CACNA1E: variants seen among roughly 807,000 people sequenced by gnomAD.
CACNA1E encodes the protein voltage-dependent R-type calcium channel subunit alpha-1E.
A neutral mutation model predicts 259.2 loss-of-function variants in CACNA1E; 40 were observed. The observed-to-expected ratio is 0.15, with a 90% CI of 0.12 to 0.20. CACNA1E has a LOEUF of 0.20. CACNA1E is among the 10% of genes least tolerant of loss of function. The pLI is 1.00. For synonymous variants in CACNA1E, 1,104 were observed against 1,138.5 expected (o/e 0.97, Z 0.61); for missense variants, 1,874 against 3,040.1 (o/e 0.62, Z 9.02).
chr1:181,542,845 C>T (rs1476266850), intron 3 of CACNA1E, among the ~76,000 whole-genome samples: 3 of 149,952 alleles, frequency 2.0e-5, no homozygotes, highest in Admixed American at 1.3e-4. Context: ...TTTTGTGGAA[C>T]AGTAGTCCTG....
intron 2 of CACNA1E, among the ~76,000 whole-genome samples, chr1:181,430,592 C>A (rs552731304): frequency 9.2e-5 from 14 of 152,300 alleles, no homozygotes; most frequent in African/African-American, 3.4e-4. Context: ...TGGGAGCCCA[C>A]TGATTACACC....
At chr1:181,335,868 T>C (rs1651669749) in intron 1 of CACNA1E, among the ~76,000 whole-genome samples, 1 of 152,230 alleles carries the variant, frequency 6.6e-6, no homozygotes, top group African/African-American at 2.4e-5. Context: ...AAGTTGCTCA[T>C]AGTCCAGTCC....
At chr1:181,454,849 A>T (rs1370860155) in intron 2 of CACNA1E, among the ~76,000 whole-genome samples, 1 of 151,164 alleles carries the variant, frequency 6.6e-6, no homozygotes, top group East Asian at 1.9e-4. Flanking sequence ...TAGCCAAGAC[A>T]TGCAAAGTTG....
At chr1:181,701,190 A>G (rs1373136017) in intron 7 of CACNA1E, among the ~76,000 whole-genome samples, 4 of 152,222 alleles carry the variant, frequency 2.6e-5, no homozygotes, top group Non-Finnish European at 5.9e-5. Flanking sequence ...CAAAGCTTCA[A>G]CCTGGTAATA....
intron 1 of CACNA1E, among the ~76,000 whole-genome samples, chr1:181,387,677 C>T (rs1444403254): frequency 2.0e-5 from 3 of 152,194 alleles, no homozygotes; most frequent in East Asian, 3.9e-4. Flanking sequence ...AGACTGGAGA[C>T]GTGGTAATTT....
intron 2 of CACNA1E, among the ~76,000 whole-genome samples, chr1:181,432,828 G>C (rs1659810798): frequency 6.6e-6 from 1 of 152,054 alleles, no homozygotes; most frequent in Non-Finnish European, 1.5e-5. Flanking sequence ...AATAATATTT[G>C]AGCCACCTGT....
At position 181,427,265 on chromosome 1, in the gene CACNA1E, C is replaced by A. The variant is rs557838184; in HGVS notation, c.434+13685C>A. 2.0e-5 allele frequency among the ~76,000 whole-genome samples: 3 copies of A among 151,016 alleles called. No homozygotes were observed. In the South Asian group the frequency reaches 6.3e-4, roughly 32 times the overall value. ...CCATCTCAACCCTCACCCATCTCAA[C>A]CTCTGCCCCATCTCAACCTCACTCA... On this transcript the variant is annotated intron_variant, in intron 2 of 11. Transcript: ENST00000524607.
At chr1:181,391,103 C>T (rs556860670) in intron 1 of CACNA1E, among the ~76,000 whole-genome samples, 5 of 152,306 alleles carry the variant, frequency 3.3e-5, no homozygotes, top group South Asian at 4.1e-4. Flanking sequence ...GAGAGCTCAA[C>T]GCTCTCAATT....
chr1:181,795,243 C>A (rs1237421816), intron 46 of CACNA1E, among the ~76,000 whole-genome samples, 199 bp downstream of exon 46: 1 of 152,192 alleles, frequency 6.6e-6, no homozygotes, highest in Non-Finnish European at 1.5e-5. Context: ...TCTGTGTTCA[C>A]CGGAAAAGCT....
At chr1:181,338,463 G>A (rs1165728230) in intron 1 of CACNA1E, among the ~76,000 whole-genome samples, 2 of 146,988 alleles carry the variant, frequency 1.4e-5, no homozygotes, top group Admixed American at 1.3e-4. Context: ...GGCCATCTAT[G>A]TGTCTTCTTT....
rs1662450442 is a variant in CACNA1E, at chr1:181,803,882, G to C, written c.*5048G>C. Reference sequence around the variant, plus strand: ...CAAGATAGCTGAGAAGTATGAATGGGGTTCACAGCAAAGTCCAATTGATGG... The same window carrying C: ...CAAGATAGCTGAGAAGTATGAATGGCGTTCACAGCAAAGTCCAATTGATGG... On this transcript the variant is annotated 3_prime_UTR_variant, in exon 48 of 48. Coordinates refer to ENST00000367573, the MANE Select transcript of CACNA1E (RefSeq NM_001205293.3). 6.6e-6 allele frequency: 1 copy of C among 152,106 alleles called. No homozygotes were observed. The highest frequency in any genetic ancestry group is 1.5e-5 in the Non-Finnish European group (1 of 68,020). The allele number at this position is 152,106 out of a possible 1,614,324, so 9.4% of individuals were successfully genotyped here.
chr1:181,671,050 T>C (rs1648743571), intron 7 of CACNA1E, among the ~76,000 whole-genome samples: 1 of 152,236 alleles, frequency 6.6e-6, no homozygotes, highest in African/African-American at 2.4e-5. Context: ...ATTGTTATTA[T>C]TGAGACACGG....
intron 8 of CACNA1E, among the ~76,000 whole-genome samples, chr1:181,713,585 C>T (rs1180388237): frequency 6.6e-6 from 1 of 152,180 alleles, no homozygotes; most frequent in African/African-American, 2.4e-5. Context: ...GCTGGAATTA[C>T]GGTAATGACT....
At chr1:181,710,209 A>T (rs1196933966) in intron 7 of CACNA1E, among the ~76,000 whole-genome samples, 1 of 59,266 alleles carries the variant, frequency 1.7e-5, no homozygotes, top group Admixed American at 1.9e-4. Flanking sequence ...CACCCCCACC[A>T]CCTTCCCACT....
Position 181,572,117 on chromosome 1 carries a change from T to G in CACNA1E, c.513-5649T>G, listed in dbSNP as rs556088415. Among the ~76,000 whole-genome samples, 4 of 152,300 alleles carry G rather than the reference T, an allele frequency of 2.6e-5. No homozygotes were observed. The East Asian group carries it at 7.7e-4, about 29-fold the overall frequency. Reference sequence around the variant, plus strand: ...TGAACCTATGACCACTGTTTCAGGGTATTTTCAGGCATAGACTTGTACAGT... The same window carrying G: ...TGAACCTATGACCACTGTTTCAGGGGATTTTCAGGCATAGACTTGTACAGT... On this transcript the variant is annotated intron_variant, in intron 3 of 47. Coordinates refer to ENST00000367573, the MANE Select transcript of CACNA1E (RefSeq NM_001205293.3).
At chr1:181,720,659 A>T in intron 14 of CACNA1E, 124 bp from the exon 15 acceptor site, 1 of 690,110 alleles carries the variant, frequency 1.4e-6, no homozygotes, top group African/African-American at 1.8e-5. Context: ...ATGGGGAAAA[A>T]GTAGGGAAGA....
At chr1:181,430,437 C>T (rs938346479) in intron 2 of CACNA1E, among the ~76,000 whole-genome samples, 1 of 152,180 alleles carries the variant, frequency 6.6e-6, no homozygotes, top group African/African-American at 2.4e-5. Flanking sequence ...TGTGCAGCTG[C>T]GGGCATGTCC....
At chr1:181,363,353 G>C (rs1571668321) in intron 1 of CACNA1E, among the ~76,000 whole-genome samples, 1 of 152,244 alleles carries the variant, frequency 6.6e-6, no homozygotes. Flanking sequence ...GTCCTAGCCA[G>C]CATGGCTAAG....
intron 6 of CACNA1E, among the ~76,000 whole-genome samples, chr1:181,606,038 G>A (rs532216177): frequency 4.6e-5 from 7 of 152,174 alleles, no homozygotes; most frequent in African/African-American, 7.2e-5. Flanking sequence ...CCATTACACC[G>A]TCCTGTTTCC....
Sources: allele counts gnomAD v4.1 joint callset (sites outside exome capture counted in the v4.1 genomes callset), GRCh38; gene constraint gnomAD v4.1.1; transcripts MANE v1.5; gene names NCBI Gene and HGNC (gene_info 2026-07-23, HGNC 2026-07-21).